PARG: variants seen among roughly 807,000 people sequenced by gnomAD.
PARG encodes the protein poly(ADP-ribose) glycohydrolase, also known as mitochondrial poly(ADP-ribose) glycohydrolase.
Under a neutral mutation model 113.0 loss-of-function variants are expected in PARG, and 35 were observed. That is an observed-to-expected ratio of 0.31 (90% CI 0.24 to 0.41). The LOEUF is 0.41. Among genes scored for constraint, PARG ranks in the 10% least tolerant of loss-of-function variants. The pLI is 1.00. For missense variants in PARG, 797 were observed against 1,169.4 expected (o/e 0.68, Z 4.64); for synonymous variants, 330 against 409.9 (o/e 0.81, Z 2.36).
At chr10:49,824,058 C>T (rs913843627) in intron 16 of PARG, among the ~76,000 whole-genome samples, 8 of 152,138 alleles carry the variant, frequency 5.3e-5, no homozygotes, top group Non-Finnish European at 1.0e-4. Context: ...CTCTCTGGGC[C>T]TCATTTTTCT....
intron 7 of PARG, among the ~76,000 whole-genome samples, chr10:49,910,401 C>T (rs1837107093): frequency 1.3e-5 from 2 of 152,226 alleles, no homozygotes; most frequent in Non-Finnish European, 2.9e-5. Flanking sequence ...AGCCTCATCA[C>T]AGCAACAAAA....
intron 15 of PARG, among the ~76,000 whole-genome samples, chr10:49,836,518 T>C (rs1844943005): frequency 6.6e-6 from 1 of 152,116 alleles, no homozygotes; most frequent in South Asian, 2.1e-4. Context: ...GAAAGAAGTA[T>C]GCAGATCTTA....
rs1179098207 is a variant in PARG, at chr10:49,819,470, C to T, written c.2801G>A (p.Arg934Gln). The T allele has an allele frequency of 5.2e-6, 8 of 1,551,192 alleles. No homozygotes were observed. The highest frequency in any genetic ancestry group is 1.4e-5 in the African/African-American group (1 of 72,996). Reference protein sequence around the residue: ...TVGDVYKLLLRYYNEECRNCS... With the variant: ...TVGDVYKLLLQYYNEECRNCS... Reference sequence around the variant, plus strand: ...GTTTCTGCATTCTTCATTGTAGTATCGTAGCAACAGCTTATACACATCTCC... The same window carrying T: ...GTTTCTGCATTCTTCATTGTAGTATTGTAGCAACAGCTTATACACATCTCC... The change falls in exon 18 of 18, where the codon CGA becomes CAA. Residue 934 changes from arginine (R) to glutamine (Q), a missense_variant. Arg to Gln is a conservative substitution (Grantham distance 43). Coordinates refer to ENST00000616448, the MANE Select transcript of PARG (RefSeq NM_003631.5).
intron 8 of PARG, among the ~76,000 whole-genome samples, chr10:49,882,395 G>C (rs1316488012): frequency 6.6e-6 from 1 of 151,022 alleles, no homozygotes; most frequent in Non-Finnish European, 1.5e-5. Context: ...AATTTAACTT[G>C]CCACAAGACG....
intron 9 of PARG, among the ~76,000 whole-genome samples, chr10:49,878,876 T>A (rs10857544): frequency 6.6e-6 from 1 of 150,512 alleles, no homozygotes; most frequent in African/African-American, 2.4e-5. Flanking sequence ...AGAAAACTCA[T>A]ATATTCTATT....
At chr10:49,819,637 T>C (rs746254063) in intron 17 of PARG, 143 bp from the exon 18 acceptor site, 1 of 638,420 alleles carries the variant, frequency 1.6e-6, no homozygotes, top group Non-Finnish European at 2.7e-6. Flanking sequence ...TTCATATGCC[T>C]GAAAGGCTTT....
chr10:49,878,336 G>A (rs1184135235), intron 9 of PARG, among the ~76,000 whole-genome samples: 1 of 144,718 alleles, frequency 6.9e-6, no homozygotes, highest in African/African-American at 2.6e-5. Context: ...GGTAGAATCA[G>A]ACTGGGTGCA....
At chr10:49,926,575 A>C (rs1838177691) in intron 4 of PARG, among the ~76,000 whole-genome samples, 1 of 152,186 alleles carries the variant, frequency 6.6e-6, no homozygotes, top group Admixed American at 6.5e-5. Context: ...GACGTTCTTC[A>C]TTCTAAATTT....
intron 7 of PARG, chr10:49,910,045 AGATAT>A (rs1196966379): frequency 1.3e-5 from 2 of 152,226 alleles, no homozygotes; most frequent in East Asian, 3.8e-4. Context: ...AGAAAAAGAC[AGATAT>A]AATAACATGA....
At chr10:49,847,245 G>A (rs1845554652) in intron 13 of PARG, among the ~76,000 whole-genome samples, 6 of 152,366 alleles carry the variant, frequency 3.9e-5, no homozygotes, top group Admixed American at 3.9e-4. Flanking sequence ...GTAGGTGAAG[G>A]TTTGATGAGG....
At chr10:49,853,780 A>C (rs1398322620) in intron 13 of PARG, among the ~76,000 whole-genome samples, 69 of 152,310 alleles carry the variant, frequency 4.5e-4, no homozygotes, top group African/African-American at 1.5e-3. Context: ...GACAATTTAC[A>C]ATTTTTTATT....
At chr10:49,903,649 G>A (rs189876936) in intron 7 of PARG, among the ~76,000 whole-genome samples, 3,659 of 151,926 alleles carry the variant, frequency 0.024, 59 homozygotes, top group Non-Finnish European at 0.037. Context: ...TTTTAGTAGC[G>A]GCTGAGAGGA....
intron 15 of PARG, among the ~76,000 whole-genome samples, chr10:49,836,938 A>G (rs1462909748): frequency 1.3e-5 from 2 of 152,348 alleles, no homozygotes; most frequent in East Asian, 3.9e-4. Flanking sequence ...AACATGGCAA[A>G]TACAACTTTT....
At chr10:49,916,077 A>C in intron 6 of PARG, 86 bp from the exon 7 acceptor site, 1 of 738,290 alleles carries the variant, frequency 1.4e-6, no homozygotes, top group Non-Finnish European at 2.5e-6. Context: ...AATTACCTCC[A>C]GTACATTTCA....
At chr10:49,906,357 T>C (rs1554845004) in intron 7 of PARG, among the ~76,000 whole-genome samples, 2 of 152,050 alleles carry the variant, frequency 1.3e-5, no homozygotes, top group Non-Finnish European at 1.5e-5. Flanking sequence ...TTTCTTCTTC[T>C]TTCTACCTTG....
At chr10:49,908,219 A>G (rs1164317084) in intron 7 of PARG, among the ~76,000 whole-genome samples, 1 of 152,240 alleles carries the variant, frequency 6.6e-6, no homozygotes, top group Non-Finnish European at 1.5e-5. Flanking sequence ...CAATTGGAGT[A>G]ATCTGTCCTT....
chr10:49,941,850 C>CCTGCTTCT lies in PARG; in HGVS notation c.-133_-126dup. On this transcript the variant is annotated 5_prime_UTR_variant, in exon 1 of 18. Coordinates refer to ENST00000616448, the MANE Select transcript of PARG (RefSeq NM_003631.5). The stretch of plus-strand genomic sequence containing the variant: ...CTGCACCATTCCCTCTCTGCCGCTG[C>CCTGCTTCT]CTGCTTCTGCAATTGCTGATCCGCC... The CCTGCTTCT allele has an allele frequency of 1.3e-6, 2 of 1,512,542 alleles. No homozygotes were observed. The highest frequency in any genetic ancestry group is 1.8e-6 in the Non-Finnish European group (2 of 1,125,802). 93.7% of individuals were successfully genotyped at this position (1,512,542 alleles called of 1,614,324 possible).
intron 16 of PARG, among the ~76,000 whole-genome samples, chr10:49,821,612 T>A (rs1844082679): frequency 6.6e-6 from 1 of 152,168 alleles, no homozygotes; most frequent in East Asian, 1.9e-4. Context: ...ACTCCTGACC[T>A]CAAGTGATCT....
intron 7 of PARG, among the ~76,000 whole-genome samples, chr10:49,900,008 G>T (rs1848279270): frequency 6.6e-6 from 1 of 151,826 alleles, no homozygotes; most frequent in African/African-American, 2.4e-5. Context: ...ATATTAATTT[G>T]ACAGTTGCTT....
Sources: allele counts gnomAD v4.1 joint callset (sites outside exome capture counted in the v4.1 genomes callset), GRCh38; gene constraint gnomAD v4.1.1; transcripts MANE v1.5; gene names NCBI Gene and HGNC (gene_info 2026-07-23, HGNC 2026-07-21).